Variants in HIPK3 observed in about 807,000 individuals in gnomAD.
HIPK3 encodes the protein homeodomain interacting protein kinase 3.
A neutral mutation model predicts 124.2 loss-of-function variants in HIPK3; 47 were observed. The observed-to-expected ratio is 0.38, with a 90% CI of 0.30 to 0.48. The LOEUF is 0.48. Ranked by LOEUF, HIPK3 falls within the 20% of genes least tolerant of loss-of-function variation. The probability of loss-of-function intolerance (pLI) is 0.98; values close to 1 mark genes in which losing one functional copy is unlikely to be tolerated. For missense variants in HIPK3, 1,286 were observed against 1,454.3 expected (o/e 0.88, Z 1.88); for synonymous variants, 482 against 515.2 (o/e 0.94, Z 0.87).
intron 5 of HIPK3, among the ~76,000 whole-genome samples, chr11:33,339,113 A>C (rs567802314): frequency 1.3e-5 from 2 of 152,328 alleles, no homozygotes; most frequent in South Asian, 4.1e-4. Flanking sequence ...CCTATATTTC[A>C]TTAGAAATGG....
At chr11:33,270,130 A>G (rs1315492360) in intron 1 of HIPK3, among the ~76,000 whole-genome samples, 1 of 152,074 alleles carries the variant, frequency 6.6e-6, no homozygotes. Context: ...GGCACATGCC[A>G]TGACGCCTGG....
intron 3 of HIPK3, among the ~76,000 whole-genome samples, chr11:33,334,895 G>A (rs1455437978): frequency 1.3e-5 from 2 of 152,186 alleles, no homozygotes; most frequent in Non-Finnish European, 2.9e-5. Context: ...ACTGGAGGCA[G>A]GTAGAATAAT....
intron 1 of HIPK3, chr11:33,258,381 G>A: frequency 2.0e-6 from 2 of 985,912 alleles, no homozygotes; most frequent in Non-Finnish European, 2.4e-6. Context: ...GAGCACCCCA[G>A]CCGATGGCCG....
At chr11:33,323,244 T>C (rs1852716323) in intron 2 of HIPK3, among the ~76,000 whole-genome samples, 1 of 152,134 alleles carries the variant, frequency 6.6e-6, no homozygotes, top group Admixed American at 6.5e-5. Flanking sequence ...TCCATTTATT[T>C]ATTTATTTAT....
upstream of HIPK3, chr11:33,257,371 T>A: frequency 1.0e-6 from 1 of 984,700 alleles, no homozygotes; most frequent in Non-Finnish European, 1.2e-6. Flanking sequence ...GGCCCGAGGC[T>A]GGGGCGGCTG....
intron 1 of HIPK3, among the ~76,000 whole-genome samples, chr11:33,267,218 G>C (rs1850990942): frequency 1.3e-5 from 2 of 151,542 alleles, no homozygotes; most frequent in African/African-American, 4.8e-5. Context: ...TGCCTCCTGG[G>C]TTCAAGCGAT....
intron 1 of HIPK3, among the ~76,000 whole-genome samples, chr11:33,271,574 T>G (rs766138462): frequency 6.6e-6 from 1 of 152,064 alleles, no homozygotes; most frequent in Admixed American, 6.6e-5. Context: ...TCAAAATAAA[T>G]AAATAAATAA....
chr11:33,353,488 C>G lies in HIPK3; in HGVS notation c.3568C>G (p.His1190Asp), dbSNP rs139964400. ...QTQYKPIFPP[H>D]SYIAASPAYT... is the part of the protein sequence containing the mutation. ...TCAGTACAAACCAATCTTCCCACCACATTCTTACATTGCAGCATCACCTGC... is the reference window on the plus strand; with the variant it reads ...TCAGTACAAACCAATCTTCCCACCAGATTCTTACATTGCAGCATCACCTGC... Residue 1190 changes from histidine (H) to aspartate (D), a missense_variant, in exon 17 of 17, where the codon CAT (histidine) becomes GAT (aspartate). This residue lies in a region of HIPK3 where 810 missense variants were observed against 864.9 expected (regional missense o/e 0.94). Transcript: ENST00000303296. 1.9e-5 allele frequency: 30 copies of G among 1,614,148 alleles called. No individual in the cohort carries two copies. In the African/African-American group the frequency reaches 3.9e-4, roughly 21 times the overall value.
intron 1 of HIPK3, among the ~76,000 whole-genome samples, chr11:33,279,598 T>C (rs1445838151): frequency 6.6e-6 from 1 of 152,142 alleles, no homozygotes; most frequent in East Asian, 1.9e-4. Flanking sequence ...TTGGTAATTA[T>C]AAAAAGATGT....
In HIPK3 at chr11:33,287,101, G is replaced by T; in HGVS notation, c.687G>T (p.Lys229Asn). Residue 229 changes from lysine (K) to asparagine (N), a missense_variant, in exon 2 of 17, where the codon AAG becomes AAT. Physicochemically the swap from Lys to Asn is moderately conservative, Grantham distance 94 (BLOSUM62 0). Transcript: ENST00000303296. ...TNEIVAIKIL[K>N]NHPSYARQGQ... ...AAATTGTAGCAATCAAAATTTTGAA[G>T]AATCATCCTTCTTATGCCCGTCAAG... 1 of 1,614,180 alleles carries T rather than the reference G, an allele frequency of 6.2e-7. No homozygotes were observed. The highest frequency in any genetic ancestry group is 8.5e-7 in the Non-Finnish European group (1 of 1,180,032).
intron 8 of HIPK3, among the ~76,000 whole-genome samples, chr11:33,345,760 C>T (rs1853473552): frequency 6.6e-6 from 1 of 152,052 alleles, no homozygotes; most frequent in Non-Finnish European, 1.5e-5. Context: ...AAACTTGACT[C>T]ATACCTGGCT....
At chr11:33,310,281 T>TATCTATCTATCTATCTATCTATC (rs1554965371) in intron 2 of HIPK3, among the ~76,000 whole-genome samples, 232 of 121,138 alleles carry the variant, frequency 1.9e-3, no homozygotes, top group East Asian at 3.9e-3. Flanking sequence ...TCTGTCTATC[T>TATCTATCTATCTATCTATCTATC]TATCTATCTA....
intron 1 of HIPK3, among the ~76,000 whole-genome samples, chr11:33,275,063 G>A (rs1371590506): frequency 6.6e-6 from 1 of 150,988 alleles, no homozygotes; most frequent in African/African-American, 2.4e-5. Flanking sequence ...TTTTTGAGAT[G>A]GAGTCTTGCT....
In HIPK3 at chr11:33,353,410, G is replaced by T; in HGVS notation, c.3490G>T (p.Val1164Phe). 6.2e-7 allele frequency: 1 copy of T among 1,614,018 alleles called. No individual in the cohort carries two copies. Among genetic ancestry groups the T allele is most frequent in the Non-Finnish European group, 8.5e-7 (1 of 1,179,988 alleles). The change falls in exon 17 of 17, where the codon GTC (valine) becomes TTC (phenylalanine). Residue 1164 changes from valine (V) to phenylalanine (F), a missense_variant. By Grantham distance (50) the Val-to-Phe change is conservative. Transcript: ENST00000303296. ...ISHPSGIVHQVPVGLNPRLLP... is the reference protein window; with the variant it reads ...ISHPSGIVHQFPVGLNPRLLP... Reference sequence around the variant, plus strand: ...CCATCCCAGTGGCATAGTTCACCAAGTCCCAGTGGGCTTAAATCCCCGTCT... The same window carrying T: ...CCATCCCAGTGGCATAGTTCACCAATTCCCAGTGGGCTTAAATCCCCGTCT...
chr11:33,344,228 TA>T (rs1220597626), intron 8 of HIPK3, among the ~76,000 whole-genome samples: 4 of 152,230 alleles, frequency 2.6e-5, no homozygotes, highest in African/African-American at 9.6e-5. Flanking sequence ...GATTGCTGTT[TA>T]AAAATTTTTT....
intron 8 of HIPK3, among the ~76,000 whole-genome samples, chr11:33,344,444 TAAAG>T (rs1425871152): frequency 1.3e-5 from 2 of 152,198 alleles, no homozygotes; most frequent in Non-Finnish European, 2.9e-5. Flanking sequence ...GGCAAAAACT[TAAAG>T]AGACTTCGGA....
intron 1 of HIPK3, among the ~76,000 whole-genome samples, chr11:33,281,058 CT>C (rs56902582): frequency 3.7e-4 from 41 of 111,790 alleles, no homozygotes; most frequent in African/African-American, 1.4e-3. Flanking sequence ...ACTTATTTGA[CT>C]TTTTTTTTTT....
At chr11:33,262,572 A>G (rs543294233) in intron 1 of HIPK3, among the ~76,000 whole-genome samples, 1 of 152,156 alleles carries the variant, frequency 6.6e-6, no homozygotes, top group South Asian at 2.1e-4. Context: ...TATGTATTGT[A>G]TTTTTAGGAC....
In HIPK3 at chr11:33,351,847, A is replaced by G; in HGVS notation, c.3043+4A>G. ...GATGAGCATATGGCAAACACAGGTA[A>G]GTTGAGTCCTCCCATTTCTCTGGTT... On this transcript the variant is annotated splice_donor_region_variant and intron_variant, in intron 15 of 16. Coordinates refer to ENST00000303296, the MANE Select transcript of HIPK3 (RefSeq NM_005734.5). The G allele has an allele frequency of 1.2e-6, 2 of 1,601,630 alleles. No individual in the cohort carries two copies. The highest frequency in any genetic ancestry group is 1.7e-6 in the Non-Finnish European group (2 of 1,169,258).
Sources: gnomAD v4.1 joint callset for allele counts (sites outside exome capture counted in the v4.1 genomes callset) on GRCh38, gnomAD v4.1.1 for gene constraint, gnomAD v4.1.1 regional missense constraint, MANE v1.5 for transcripts, NCBI Gene and HGNC (gene_info 2026-07-23, HGNC 2026-07-21) for gene names.